STYXL1: variants seen among roughly 807,000 people sequenced by gnomAD.
The protein encoded by STYXL1 is serine/threonine/tyrosine-interacting-like protein 1.
In STYXL1, 32 loss-of-function variants were observed where a neutral mutation model predicts 36.4. The ratio of observed to expected loss-of-function variants is 0.88; its 90% CI spans 0.66 to 1.18. The LOEUF (loss-of-function observed/expected upper bound fraction) is 1.18. STYXL1 is among the 50% of genes most tolerant of loss of function. STYXL1 has a pLI of 0.00. For synonymous variants in STYXL1, 133 were observed against 144.1 expected, an observed-to-expected ratio of 0.92 and a Z score of 0.55; for missense variants, 354 against 394.1, an observed-to-expected ratio of 0.90 and a Z score of 0.86.
intron 3 of STYXL1, among the ~76,000 whole-genome samples, chr7:76,026,613 C>G (rs1473316698): frequency 6.6e-6 from 1 of 152,194 alleles, no homozygotes; most frequent in Non-Finnish European, 1.5e-5. Flanking sequence ...GCCAGGAATG[C>G]TAATTGCATG....
intron 1 of STYXL1, among the ~76,000 whole-genome samples, chr7:76,032,459 C>T (rs1585313616): frequency 6.6e-6 from 1 of 151,192 alleles, no homozygotes; most frequent in East Asian, 2.0e-4. Context: ...ATCTGTAATC[C>T]CAGCACTTTT....
At chr7:76,024,843 G>A (rs1364936288) in intron 3 of STYXL1, among the ~76,000 whole-genome samples, 1 of 150,546 alleles carries the variant, frequency 6.6e-6, no homozygotes, top group African/African-American at 2.5e-5. Context: ...CAGCTACTTG[G>A]GAGACTGAGG....
intron 3 of STYXL1, among the ~76,000 whole-genome samples, chr7:76,025,532 G>C (rs1794597110): frequency 6.6e-6 from 1 of 152,094 alleles, no homozygotes; most frequent in South Asian, 2.1e-4. Flanking sequence ...GCTCATGCCT[G>C]TAATCCCAGC....
rs1442746101 is a variant in STYXL1, at chr7:75,999,395, A to G, written c.810+1495T>C. ...AGAGTTGCTGTTTCAGGTTTGCAAG[A>G]TGGAAAAGTTTGGGAGATTAGTTGT... On this transcript the variant is annotated intron_variant, in intron 8 of 8. Coordinates refer to ENST00000359697, the MANE Select transcript of STYXL1 (RefSeq NM_001317785.2). 2.6e-5 allele frequency among the ~76,000 whole-genome samples: 4 copies of G among 152,190 alleles called. No individual in the cohort carries two copies. In the East Asian group the frequency reaches 5.8e-4, roughly 22 times the overall value.
At chr7:76,001,164 A>G (rs1554567091) in intron 7 of STYXL1, among the ~76,000 whole-genome samples, 162 bp from the exon 8 acceptor site, 1 of 152,080 alleles carries the variant, frequency 6.6e-6, no homozygotes, top group African/African-American at 2.4e-5. Context: ...AGCCCATTTC[A>G]TTGTCTAGCA....
intron 8 of STYXL1, among the ~76,000 whole-genome samples, chr7:75,999,844 C>T (rs1399276546): frequency 1.3e-5 from 2 of 152,142 alleles, no homozygotes; most frequent in Non-Finnish European, 2.9e-5. Context: ...CCGCGCCCGG[C>T]CTGTTATGTA....
chr7:76,031,339 A>G (rs1203906750), intron 1 of STYXL1, among the ~76,000 whole-genome samples: 3 of 147,734 alleles, frequency 2.0e-5, no homozygotes, highest in African/African-American at 7.4e-5. Context: ...TCCAAAAAAA[A>G]AAAAAAAAAA....
intron 8 of STYXL1, among the ~76,000 whole-genome samples, 179 bp downstream of exon 8, chr7:76,000,711 A>G (rs1318064060): frequency 4.6e-5 from 7 of 152,238 alleles, no homozygotes; most frequent in Non-Finnish European, 8.8e-5. Context: ...TCAGGCCTCA[A>G]GCATGCAACA....
In STYXL1 at chr7:76,036,848, G is replaced by A. The variant is rs539849345; in HGVS notation, c.-4-6321C>T. 7.9e-5 allele frequency among the ~76,000 whole-genome samples: 11 copies of A among 140,018 alleles called. 1 individual carries two copies. The highest frequency in any genetic ancestry group is 4.9e-4 in the South Asian group (2 of 4,088). The allele number at this position is 140,018 out of a possible 152,430, so 91.9% of individuals were successfully genotyped here. Reference sequence around the variant, plus strand: ...TGCCCAGGCTGGAGTGCAGTGGTGCGATCTCTGCTCACTGCAACCTCCGCC... The same window carrying A: ...TGCCCAGGCTGGAGTGCAGTGGTGCAATCTCTGCTCACTGCAACCTCCGCC... On this transcript the variant is annotated intron_variant, in intron 1 of 8. Coordinates refer to ENST00000359697, the MANE Select transcript of STYXL1 (RefSeq NM_001317785.2).
chr7:76,026,207 A>AAAAAAAAAAAAAAAAAAAAAAAG (rs1794703398), intron 3 of STYXL1, among the ~76,000 whole-genome samples: 1 of 93,408 alleles, frequency 1.1e-5, no homozygotes, highest in Non-Finnish European at 2.3e-5. Context: ...AAAAAAAAAA[A>AAAAAAAAAAAAAAAAAAAAAAAG]AAAAAAAAAA....
Position 76,000,218 on chromosome 7 carries a change from C to CAAAAAAAAAAAAAAAAAA in STYXL1, c.810+654_810+671dup. 2.9e-5 allele frequency among the ~76,000 whole-genome samples: 2 copies of CAAAAAAAAAAAAAAAAAA among 69,462 alleles called. 1 individual carries two copies. Among genetic ancestry groups the CAAAAAAAAAAAAAAAAAA allele is most frequent in the African/African-American group, 1.1e-4 (2 of 18,134 alleles). The allele number at this position is 69,462 out of a possible 152,430, so 45.6% of individuals were successfully genotyped here. On this transcript the variant is annotated intron_variant, in intron 8 of 8. Transcript: ENST00000359697. ...TGGGCAACAGAACAAGACTCCATCTCAAAAAAAAAAAAAAAAAAAAAAAAA... is the reference window on the plus strand; with the variant it reads ...TGGGCAACAGAACAAGACTCCATCTCAAAAAAAAAAAAAAAAAAAAAAAAAAAAAAAAAAAAAAAAAAA...
At chr7:76,040,732 A>T (rs1796401033) in intron 1 of STYXL1, among the ~76,000 whole-genome samples, 1 of 151,910 alleles carries the variant, frequency 6.6e-6, no homozygotes, top group Admixed American at 6.6e-5. Flanking sequence ...GCTACTCCGG[A>T]GGCTGAGGCA....
intron 1 of STYXL1, among the ~76,000 whole-genome samples, chr7:76,041,177 C>CAAA (rs112341556): frequency 8.1e-5 from 7 of 86,036 alleles, no homozygotes; most frequent in Admixed American, 4.8e-4. Flanking sequence ...CCCCCATCTC[C>CAAA]AAAAAAAAAA....
intron 3 of STYXL1, among the ~76,000 whole-genome samples, chr7:76,025,978 A>G (rs1156892514): frequency 6.6e-6 from 1 of 151,326 alleles, no homozygotes; most frequent in Non-Finnish European, 1.5e-5. Context: ...GGATCATGAG[A>G]TCAGAAGATC....
chr7:76,013,866 A>G lies in STYXL1; in HGVS notation c.329T>C (p.Ile110Thr). ...GCGGGTCAGGATCCTGCCATACTCA[A>G]TGGCTGCTTGAGGCACAAGATCTGA... The part of the protein sequence containing the change: ...DGKDLVPQAA[I>T]EYGRILTRLT... The change falls in exon 5 of 9, where the codon ATT (isoleucine) becomes ACT (threonine). Residue 110 changes from isoleucine to threonine, a missense_variant. Transcript: ENST00000359697. 1 of 1,612,890 alleles carries G rather than the reference A, an allele frequency of 6.2e-7. No individual in the cohort carries two copies.
chr7:76,043,010 C>A (rs1331547570), intron 1 of STYXL1, among the ~76,000 whole-genome samples: 4 of 152,208 alleles, frequency 2.6e-5, no homozygotes, highest in Non-Finnish European at 4.4e-5. Context: ...GAAGAGGTAG[C>A]TGCATTTGAA....
At chr7:76,013,658 T>C (rs1431830859) in intron 5 of STYXL1, 84 bp downstream of exon 5, 2 of 1,583,834 alleles carry the variant, frequency 1.3e-6, no homozygotes, top group Middle Eastern at 1.7e-4. Context: ...CATCCTCCTG[T>C]TTCTCCCACT....
At chr7:76,026,521 ATCC>A (rs1475510188) in intron 3 of STYXL1, among the ~76,000 whole-genome samples, 1 of 152,130 alleles carries the variant, frequency 6.6e-6, no homozygotes, top group Non-Finnish European at 1.5e-5. Flanking sequence ...GACTCAAGCA[ATCC>A]TCCTGCTTCG....
rs192386117 is a variant in STYXL1, at chr7:76,017,596, C to T, written c.308-3709G>A. Among the ~76,000 whole-genome samples, 406 of 151,788 alleles carry T rather than the reference C, an allele frequency of 2.7e-3. 2 individuals carry two copies. The highest frequency in any genetic ancestry group is 4.3e-3 in the Non-Finnish European group (293 of 67,898). On this transcript the variant is annotated intron_variant, in intron 4 of 8. Transcript: ENST00000359697. ...GAGAGGGACAGGGGTTGAAAAACTACCTACTGGGGCCAGGCGCGATGGCTC... is the reference window on the plus strand; with the variant it reads ...GAGAGGGACAGGGGTTGAAAAACTATCTACTGGGGCCAGGCGCGATGGCTC...
Sources: gnomAD v4.1 joint callset for allele counts (sites outside exome capture counted in the v4.1 genomes callset) on GRCh38, gnomAD v4.1.1 for gene constraint, MANE v1.5 for transcripts, NCBI Gene and HGNC (gene_info 2026-07-23, HGNC 2026-07-21) for gene names.